The following UBFD1 variants were observed in gnomAD, a reference collection of about 807,000 sequenced individuals.
UBFD1 encodes ubiquitin family domain containing 1.
In UBFD1, 12 loss-of-function variants were observed where a neutral mutation model predicts 35.1. The observed-to-expected ratio is 0.34, with a 90% CI of 0.22 to 0.55. The LOEUF (loss-of-function observed/expected upper bound fraction) is 0.55, where lower values mean the gene tolerates loss of function less well. Among genes scored for constraint, UBFD1 ranks in the 20% least tolerant of loss-of-function variants. UBFD1 has a pLI of 0.89. For synonymous variants in UBFD1, 178 were observed against 167.6 expected, an observed-to-expected ratio of 1.06 and a Z score of -0.48; for missense variants, 337 against 410.8, an observed-to-expected ratio of 0.82 and a Z score of 1.55.
intron 3 of UBFD1, among the ~76,000 whole-genome samples, chr16:23,561,283 G>T (rs1965929344): frequency 6.6e-6 from 1 of 152,224 alleles, no homozygotes; most frequent in Non-Finnish European, 1.5e-5. Flanking sequence ...CACCATGCCA[G>T]TGAGGATTTG....
chr16:23,559,370 G>C, intron 2 of UBFD1, 98 bp from the exon 3 acceptor site: 2 of 1,005,406 alleles, frequency 2.0e-6, no homozygotes, highest in Non-Finnish European at 1.5e-6. Flanking sequence ...GGTGGAGGCA[G>C]TATTCACTTT....
At chr16:23,566,907 C>T in intron 5 of UBFD1, 80 bp from the exon 6 acceptor site, 1 of 1,376,100 alleles carries the variant, frequency 7.3e-7, no homozygotes, top group Non-Finnish European at 1.0e-6. Context: ...CAGCCACCAG[C>T]CCTGATGAGG....
intron 1 of UBFD1, 89 bp downstream of exon 1, chr16:23,557,856 C>G (rs1462386960): frequency 7.8e-7 from 1 of 1,274,254 alleles, no homozygotes; most frequent in Non-Finnish European, 9.9e-7. Context: ...GGAGGGAGAA[C>G]CGCGGCTCGG....
In UBFD1 at chr16:23,558,248, C is replaced by T; in HGVS notation, c.324C>T (p.Ser108=). Residue 108 remains serine, a synonymous_variant, in exon 2 of 7, where the codon TCC becomes TCT. Coordinates refer to ENST00000395878, the MANE Select transcript of UBFD1 (RefSeq NM_019116.3). The stretch of plus-strand genomic sequence containing the variant: ...AGTTCCCCCTGGACAGCACAGGCTC[C>T]GAGCTGAAACAGAAGATCCACTCGA... ...DVKFPLDSTG[S]ELKQKIHSIT... The T allele has an allele frequency of 6.2e-7, 1 of 1,607,264 alleles. No homozygotes were observed. The highest frequency in any genetic ancestry group is 8.5e-7 in the Non-Finnish European group (1 of 1,177,118).
intron 3 of UBFD1, 31 bp from the exon 4 acceptor site, chr16:23,562,175 G>GT: frequency 6.3e-7 from 1 of 1,593,040 alleles, no homozygotes. Flanking sequence ...GTAGTCAGCT[G>GT]TTTCATTTCA....
At chr16:23,564,796 A>C (rs1401653047) in intron 5 of UBFD1, 1 of 152,248 alleles carries the variant, frequency 6.6e-6, no homozygotes, top group Non-Finnish European at 1.5e-5. Context: ...GGAACACATC[A>C]TAACTGCAGG....
At chr16:23,570,446 G>A in intron 6 of UBFD1, 34 bp from the exon 7 acceptor site, 2 of 1,555,374 alleles carry the variant, frequency 1.3e-6, no homozygotes, top group Non-Finnish European at 1.8e-6. Context: ...CCCGACCTCT[G>A]AAGTACCGCT....
Position 23,557,774 on chromosome 16 carries a change from G to A in UBFD1, c.25+7G>A. 7.8e-7 allele frequency: 1 copy of A among 1,285,372 alleles called. No homozygotes were observed. The highest frequency in any genetic ancestry group is 9.8e-7 in the Non-Finnish European group (1 of 1,016,988). 79.6% of individuals were successfully genotyped at this position (1,285,372 alleles called of 1,614,324 possible). A position where few individuals can be genotyped will look rare whatever the true frequency, so the allele number is the denominator to read the frequency against. ...GCGGCCGGGGCCCCGGATGGTGAGT[G>A]CGGCGGGGGTGGCGGGCGCCGGGCC... On this transcript the variant is annotated splice_region_variant and intron_variant, in intron 1 of 6. Coordinates refer to ENST00000395878, the MANE Select transcript of UBFD1 (RefSeq NM_019116.3).
intron 5 of UBFD1, 100 bp from the exon 6 acceptor site, chr16:23,566,887 G>C: frequency 8.7e-7 from 1 of 1,146,396 alleles, no homozygotes; most frequent in Non-Finnish European, 1.3e-6. Context: ...TGAGTTTACT[G>C]TAGATCCCGC....
chr16:23,569,089 A>C (rs1206884425), intron 6 of UBFD1: 2 of 152,178 alleles, frequency 1.3e-5, no homozygotes, highest in Non-Finnish European at 2.9e-5. Context: ...CTGGCAGAGG[A>C]TAGCTCTAGT....
intron 5 of UBFD1, chr16:23,565,384 G>C (rs899571006): frequency 4.6e-5 from 7 of 152,226 alleles, no homozygotes; most frequent in African/African-American, 1.7e-4. Flanking sequence ...CATGTACCCT[G>C]CTCGTAGGAA....
intron 3 of UBFD1, among the ~76,000 whole-genome samples, chr16:23,560,319 T>G (rs979659684): frequency 5.3e-5 from 8 of 152,246 alleles, no homozygotes; most frequent in African/African-American, 1.9e-4. Flanking sequence ...AAAGTGAGAT[T>G]ATTTTACTAT....
chr16:23,562,049 C>A, intron 3 of UBFD1, 157 bp from the exon 4 acceptor site: 1 of 638,200 alleles, frequency 1.6e-6, no homozygotes, highest in Non-Finnish European at 2.7e-6. Context: ...TTCTGCTGGA[C>A]AGCACTGTGC....
At chr16:23,563,888 CA>C (rs1417876210) in intron 5 of UBFD1, among the ~76,000 whole-genome samples, 2 of 152,180 alleles carry the variant, frequency 1.3e-5, no homozygotes, top group Non-Finnish European at 2.9e-5. Context: ...TAAAATCTTC[CA>C]AGGCCCTACT....
In UBFD1 at chr16:23,571,023, T is replaced by A. The variant is rs1182165739; in HGVS notation, c.*433T>A. On this transcript the variant is annotated 3_prime_UTR_variant, in exon 7 of 7. Coordinates refer to ENST00000395878, the MANE Select transcript of UBFD1 (RefSeq NM_019116.3). ...TGCAAACATTTGGACTGCATTGCAA[T>A]GAGTTGGGGTGTTTTTTTTTTCCTT... The A allele has an allele frequency of 6.6e-6, 1 of 152,414 alleles. No individual in the cohort carries two copies. Among genetic ancestry groups the A allele is most frequent in the Non-Finnish European group, 1.5e-5 (1 of 68,070 alleles). 9.4% of individuals were successfully genotyped at this position (152,414 alleles called of 1,614,324 possible).
intron 3 of UBFD1, chr16:23,561,857 T>A: frequency 1.1e-5 from 2 of 187,214 alleles, no homozygotes; most frequent in Non-Finnish European, 2.2e-5. Flanking sequence ...AGGAGGGCAA[T>A]CTGGAAATCC....
rs1009431791 is a variant in UBFD1 at position 23,573,611 on chromosome 16, T to C, written c.*3021T>C. ...CTAAGGATGCACTTTCTTGTGGACA[T>C]AGAAGGGGCCCACGTAAGGCCCTGA... On this transcript the variant is annotated 3_prime_UTR_variant, in exon 7 of 7. Transcript: ENST00000395878. 1 of 152,612 alleles carries C rather than the reference T, an allele frequency of 6.6e-6. No individual in the cohort carries two copies. Among genetic ancestry groups the C allele is most frequent in the Non-Finnish European group, 1.5e-5 (1 of 68,036 alleles). The allele number at this position is 152,612 out of a possible 1,614,324, so 9.5% of individuals were successfully genotyped here. A position where few individuals can be genotyped will look rare whatever the true frequency, so the allele number is the denominator to read the frequency against.
intron 2 of UBFD1, chr16:23,558,884 G>GTT (rs1202325318): frequency 7.2e-5 from 11 of 152,214 alleles, no homozygotes; most frequent in Admixed American, 5.3e-4. Flanking sequence ...AGGTTCAAGC[G>GTT]ATTCTCCTGC....
chr16:23,567,182 C>T (rs1966023039), intron 6 of UBFD1, 113 bp downstream of exon 6: 2 of 976,268 alleles, frequency 2.0e-6, no homozygotes, highest in African/African-American at 1.6e-5. Flanking sequence ...CCAGAAGATG[C>T]ACTTTTTTAA....
Sources: allele counts gnomAD v4.1 joint callset (sites outside exome capture counted in the v4.1 genomes callset), GRCh38; gene constraint gnomAD v4.1.1; transcripts MANE v1.5; gene names NCBI Gene and HGNC (gene_info 2026-07-23, HGNC 2026-07-21).